The following SCD5 variants were observed in gnomAD, a reference collection of about 807,000 sequenced individuals.
The protein encoded by SCD5 is acyl-CoA-desaturase 4.
In SCD5, 20 loss-of-function variants were observed where a neutral mutation model predicts 30.4. The ratio of observed to expected loss-of-function variants is 0.66; its 90% CI spans 0.46 to 0.96. SCD5 has a LOEUF of 0.96. Ranked by LOEUF, SCD5 falls within the 40% of genes least tolerant of loss-of-function variation. The probability of loss-of-function intolerance (pLI) is 0.00; values close to 1 mark genes in which losing one functional copy is unlikely to be tolerated. For synonymous variants in SCD5, 173 were observed against 176.4 expected, an observed-to-expected ratio of 0.98 and a Z score of 0.16; for missense variants, 381 against 443.3, an observed-to-expected ratio of 0.86 and a Z score of 1.26.
At chr4:82,648,597 G>A (rs1225714974) in intron 3 of SCD5, among the ~76,000 whole-genome samples, 1 of 152,192 alleles carries the variant, frequency 6.6e-6, no homozygotes, top group Non-Finnish European at 1.5e-5. Context: ...CATTATATAT[G>A]AGTCAGTTAC....
intron 2 of SCD5, among the ~76,000 whole-genome samples, chr4:82,687,516 G>A (rs933759347): frequency 1.3e-5 from 2 of 152,210 alleles, no homozygotes; most frequent in Non-Finnish European, 2.9e-5. Context: ...TGGCAATCCA[G>A]TCTGTTAATA....
chr4:82,631,193 A>G lies in SCD5; in HGVS notation c.*134T>C, dbSNP rs1244794757. On this transcript the variant is annotated 3_prime_UTR_variant, in exon 5 of 5. Coordinates refer to ENST00000319540, the MANE Select transcript of SCD5 (RefSeq NM_001037582.3). ...ACATTATTTTGAGATAAACAAAAAC[A>G]TTCCCAAACCACATTGACTCGTTCC... 1.6e-6 allele frequency: 1 copy of G among 636,548 alleles called. No homozygotes were observed. Among genetic ancestry groups the G allele is most frequent in the Non-Finnish European group, 2.5e-6 (1 of 404,144 alleles). The allele number at this position is 636,548 out of a possible 1,614,324, so 39.4% of individuals were successfully genotyped here.
intron 4 of SCD5, among the ~76,000 whole-genome samples, chr4:82,634,489 C>CT (rs1429897927): frequency 8.6e-5 from 11 of 128,062 alleles, no homozygotes; most frequent in Admixed American, 1.5e-4. Context: ...ACCACCTCCC[C>CT]CCCCCATCAT....
chr4:82,680,821 A>G lies in SCD5; in HGVS notation c.455T>C (p.Phe152Ser), dbSNP rs762102290. The change falls in exon 3 of 5, where the codon TTC becomes TCC. Residue 152 changes from phenylalanine (F) to serine (S), a missense_variant. By Grantham distance (155) the Phe-to-Ser change is radical. Transcript: ENST00000319540. Reference protein sequence around the residue: ...ADPHNARRGFFFSHIGWLFVR... With the variant: ...ADPHNARRGFSFSHIGWLFVR... The stretch of plus-strand genomic sequence containing the variant: ...AAACAGCCACCCAATATGGGAGAAG[A>G]AGAAGCCCCGGCGGGCATTGTGGGG... The G allele has an allele frequency of 1.2e-6, 2 of 1,613,860 alleles. No homozygotes were observed. The highest frequency in any genetic ancestry group is 2.2e-5 in the South Asian group (2 of 91,044).
chr4:82,666,000 A>G (rs1728178007), intron 3 of SCD5, among the ~76,000 whole-genome samples: 1 of 152,302 alleles, frequency 6.6e-6, no homozygotes, highest in African/African-American at 2.4e-5. Context: ...AACCTATATT[A>G]CATTTTATGC....
chr4:82,681,828 AAG>A (rs1462243859), intron 2 of SCD5, among the ~76,000 whole-genome samples: 1 of 152,204 alleles, frequency 6.6e-6, no homozygotes, highest in Non-Finnish European at 1.5e-5. Context: ...TGGTTGTCAT[AAG>A]AGAGGGGCAG....
chr4:82,672,025 CTT>C (rs953794521), intron 3 of SCD5, among the ~76,000 whole-genome samples: 1 of 151,986 alleles, frequency 6.6e-6, no homozygotes, highest in Non-Finnish European at 1.5e-5. Context: ...AAGAACAAAA[CTT>C]ATCAAAATTT....
intron 1 of SCD5, among the ~76,000 whole-genome samples, chr4:82,721,257 T>C (rs1389432297): frequency 6.6e-6 from 1 of 152,194 alleles, no homozygotes; most frequent in Non-Finnish European, 1.5e-5. Context: ...AGGCCTCTGT[T>C]GTAACTGCAC....
rs1363149376 is a variant in SCD5, at chr4:82,778,077, T to A, written c.232+20229A>T. Among the ~76,000 whole-genome samples the A allele has an allele frequency of 5.3e-5, 8 of 152,232 alleles. No homozygotes were observed. The East Asian group carries it at 1.3e-3, about 26-fold the overall frequency. ...ATCATGTCCTTTACAGGGACATGGA[T>A]GAAGCTGGAAGTTATTACCCTCAGC... On this transcript the variant is annotated intron_variant, in intron 1 of 4. Coordinates refer to ENST00000319540, the MANE Select transcript of SCD5 (RefSeq NM_001037582.3).
intron 1 of SCD5, among the ~76,000 whole-genome samples, chr4:82,716,892 C>A (rs756087529): frequency 1.3e-5 from 2 of 151,728 alleles, no homozygotes; most frequent in Non-Finnish European, 2.9e-5. Flanking sequence ...TATGTACAGG[C>A]CCTTTTTTCC....
intron 1 of SCD5, among the ~76,000 whole-genome samples, chr4:82,757,467 C>T (rs1375292051): frequency 1.3e-5 from 2 of 152,154 alleles, no homozygotes; most frequent in Non-Finnish European, 2.9e-5. Context: ...AATTGAATTG[C>T]CCCCGTGAGG....
intron 3 of SCD5, chr4:82,659,983 C>T (rs543788661): frequency 4.7e-3 from 59 of 12,462 alleles, no homozygotes; most frequent in African/African-American, 0.023. Flanking sequence ...GAATATTTAT[C>T]AAGCAAAAAA....
At chr4:82,675,626 A>G (rs1728420126) in intron 3 of SCD5, among the ~76,000 whole-genome samples, 1 of 152,190 alleles carries the variant, frequency 6.6e-6, no homozygotes, top group Admixed American at 6.5e-5. Context: ...GTCTACTTTA[A>G]AAATGCATGA....
At chr4:82,635,789 C>T (rs1283583618) in intron 4 of SCD5, among the ~76,000 whole-genome samples, 1 of 152,072 alleles carries the variant, frequency 6.6e-6, no homozygotes, top group Non-Finnish European at 1.5e-5. Flanking sequence ...GAGTGACTTG[C>T]CCAGAGAGTA....
chr4:82,656,979 T>C lies in SCD5; in HGVS notation c.570-20156A>G, dbSNP rs1028187695. On this transcript the variant is annotated intron_variant, in intron 3 of 4. Coordinates refer to ENST00000319540, the MANE Select transcript of SCD5 (RefSeq NM_001037582.3). ...TTCTTGTAAATTTGTTTAAGTTCTT[T>C]GTAGATTCTGGATATTAGCCCTTGG... Among the ~76,000 whole-genome samples the C allele has an allele frequency of 8.5e-5, 13 of 152,364 alleles. No individual in the cohort carries two copies. In the East Asian group the frequency reaches 1.5e-3, roughly 18 times the overall value.
rs2148810533 is a variant in SCD5, at chr4:82,631,519, TG to T, written c.803-3del. On this transcript the variant is annotated splice_region_variant and splice_polypyrimidine_tract_variant and intron_variant, in intron 4 of 4. Transcript: ENST00000319540. ...GATGGTAATTATGGAAGCCTTCACC[TG>T]GAAGACAAAGCGGGCATTGATATAA... is the stretch of plus-strand genomic sequence containing the variant. 6.2e-7 allele frequency: 1 copy of T among 1,613,414 alleles called. No homozygotes were observed. Among genetic ancestry groups the T allele is most frequent in the Non-Finnish European group, 8.5e-7 (1 of 1,179,414 alleles).
intron 1 of SCD5, among the ~76,000 whole-genome samples, chr4:82,777,466 A>T (rs1721767024): frequency 6.6e-6 from 1 of 152,210 alleles, no homozygotes; most frequent in Non-Finnish European, 1.5e-5. Flanking sequence ...GAAAACATTC[A>T]TGACATCAGA....
intron 1 of SCD5, among the ~76,000 whole-genome samples, chr4:82,783,544 C>T (rs535159345): frequency 2.0e-5 from 3 of 152,266 alleles, no homozygotes; most frequent in South Asian, 2.1e-4. Context: ...GTGGCTCACA[C>T]CTGTAATCCC....
chr4:82,727,649 T>C lies in SCD5; in HGVS notation c.233-22236A>G, dbSNP rs145441233. ...GGTAAATCCCTTACAACTGGTTTCC[T>C]TGACTCTAGGAAAGTCTAGCTTCTC... On this transcript the variant is annotated intron_variant, in intron 1 of 4. Transcript: ENST00000319540. Among the ~76,000 whole-genome samples, 22 of 152,328 alleles carry C rather than the reference T, an allele frequency of 1.4e-4. No individual in the cohort carries two copies. In the East Asian group the frequency reaches 2.9e-3, roughly 20 times the overall value.
Sources: gnomAD v4.1 joint callset for allele counts (sites outside exome capture counted in the v4.1 genomes callset) on GRCh38, gnomAD v4.1.1 for gene constraint, MANE v1.5 for transcripts, NCBI Gene and HGNC (gene_info 2026-07-23, HGNC 2026-07-21) for gene names.